The following WFDC9 variants were observed in gnomAD, a reference collection of about 807,000 sequenced individuals.
WFDC9 encodes WAP four-disulfide core domain 9, also known as protein WFDC9.
In WFDC9, 9 loss-of-function variants were observed where a neutral mutation model predicts 9.5. The ratio of observed to expected loss-of-function variants is 0.95; its 90% CI spans 0.57 to 1.65. WFDC9 has a LOEUF of 1.65. Ranked by LOEUF, WFDC9 falls within the 40% of genes most tolerant of loss-of-function variation. The pLI is 0.00. For missense variants in WFDC9, 87 were observed against 106.7 expected (o/e 0.82, Z 0.81); for synonymous variants, 33 against 32.3 (o/e 1.02, Z -0.07).
intron 3 of WFDC9, 72 bp downstream of exon 3, chr20:45,610,019 C>A: frequency 8.3e-7 from 1 of 1,209,390 alleles, no homozygotes; most frequent in African/African-American, 1.5e-5. Context: ...TCTTGACATG[C>A]AGGCCCTGGA....
At chr20:45,631,152 G>C in intron 1 of WFDC9, 51 bp downstream of exon 1, 1 of 1,021,320 alleles carries the variant, frequency 9.8e-7, no homozygotes. Flanking sequence ...TCTACTGTCT[G>C]AACCCCTTGT....
Position 45,629,893 on chromosome 20 carries a change from A to T in WFDC9, c.-153+1310T>A, listed in dbSNP as rs1248889419. On this transcript the variant is annotated intron_variant, in intron 1 of 4. Transcript: ENST00000326000. Reference sequence around the variant, plus strand: ...GCCCAGGGAGGATACCGTGACAAGAAGAGGATGCAGAGTAGGTGATGGGCT... The same window carrying T: ...GCCCAGGGAGGATACCGTGACAAGATGAGGATGCAGAGTAGGTGATGGGCT... The T allele has an allele frequency of 5.0e-6, 8 of 1,613,498 alleles. No homozygotes were observed. In the East Asian group the frequency reaches 1.8e-4, roughly 36 times the overall value.
rs552597672 is a variant in WFDC9, at chr20:45,617,227, C to A, written c.-152-2506G>T. Among the ~76,000 whole-genome samples the A allele has an allele frequency of 3.3e-3, 506 of 152,310 alleles. 2 individuals carry two copies. The highest frequency in any genetic ancestry group is 0.012 in the African/African-American group (478 of 41,556). On this transcript the variant is annotated intron_variant, in intron 1 of 4. Transcript: ENST00000326000. ...ATCCCAGCACTTTGGGAGGCCAAAG[C>A]AGGCAGATCACAAGGTCAGAATTTC...
At chr20:45,627,850 T>A (rs1401857562) in intron 1 of WFDC9, among the ~76,000 whole-genome samples, 1 of 152,228 alleles carries the variant, frequency 6.6e-6, no homozygotes, top group African/African-American at 2.4e-5. Context: ...TGTGATGTAA[T>A]TCTTTAAAAT....
At chr20:45,619,975 G>A (rs574072995) in intron 1 of WFDC9, among the ~76,000 whole-genome samples, 1 of 151,876 alleles carries the variant, frequency 6.6e-6, no homozygotes. Flanking sequence ...GCAGTGAGTC[G>A]AGATCATGCC....
chr20:45,610,717 G>T (rs889074765), intron 2 of WFDC9, among the ~76,000 whole-genome samples: 1 of 152,202 alleles, frequency 6.6e-6, no homozygotes, highest in African/African-American at 2.4e-5. Flanking sequence ...GGGAATTACA[G>T]ATAGATAACA....
intron 1 of WFDC9, 31 bp downstream of exon 1, chr20:45,631,172 A>C: frequency 1.2e-6 from 1 of 806,566 alleles, no homozygotes. Context: ...TCCCTGTCAA[A>C]TAAACCAGAA....
intron 1 of WFDC9, among the ~76,000 whole-genome samples, chr20:45,618,923 A>G (rs1205331893): frequency 6.6e-6 from 1 of 152,230 alleles, no homozygotes; most frequent in Non-Finnish European, 1.5e-5. Context: ...TGCAACATCC[A>G]TAAAGCAAAA....
chr20:45,630,629 A>C (rs1982340075), intron 1 of WFDC9, among the ~76,000 whole-genome samples: 2 of 152,058 alleles, frequency 1.3e-5, no homozygotes, highest in Non-Finnish European at 2.9e-5. Context: ...TGGTGTGTGG[A>C]GAAGGTCCAG....
chr20:45,621,856 AC>A (rs996964010), intron 1 of WFDC9, among the ~76,000 whole-genome samples: 2 of 152,144 alleles, frequency 1.3e-5, no homozygotes, highest in Non-Finnish European at 2.9e-5. Flanking sequence ...CCCTTTGTTG[AC>A]TTTGCTTTGT....
chr20:45,610,740 A>C (rs2145594882), intron 2 of WFDC9, among the ~76,000 whole-genome samples: 1 of 152,360 alleles, frequency 6.6e-6, no homozygotes. Context: ...ACTTGAGAAA[A>C]GATGATGGCC....
Position 45,608,160 on chromosome 20 carries a change from CA to C in WFDC9, c.240-21del, listed in dbSNP as rs777572388. ...GGCTCTCTAGAAGAGAAAAGTTAGT[CA>C]AAAGTCAAGAATCCTGGGATAAATC... On this transcript the variant is annotated intron_variant, in intron 4 of 4. Coordinates refer to ENST00000326000, the MANE Select transcript of WFDC9 (RefSeq NM_147198.4). 5.6e-6 allele frequency: 9 copies of C among 1,606,742 alleles called. No homozygotes were observed. The highest frequency in any genetic ancestry group is 1.3e-5 in the African/African-American group (1 of 74,414).
chr20:45,624,580 T>G (rs576516810), intron 1 of WFDC9, among the ~76,000 whole-genome samples: 4 of 152,314 alleles, frequency 2.6e-5, no homozygotes, highest in African/African-American at 7.2e-5. Flanking sequence ...AAATACCTAG[T>G]AGTGGGATTG....
At chr20:45,628,116 G>A (rs1600925011) in intron 1 of WFDC9, among the ~76,000 whole-genome samples, 1 of 152,120 alleles carries the variant, frequency 6.6e-6, no homozygotes, top group African/African-American at 2.4e-5. Flanking sequence ...CAGTACTTGA[G>A]CCTGCCACAA....
At chr20:45,626,080 C>T (rs1373057446) in intron 1 of WFDC9, among the ~76,000 whole-genome samples, 2 of 151,982 alleles carry the variant, frequency 1.3e-5, no homozygotes, top group Admixed American at 1.3e-4. Context: ...CCTCGGTCTC[C>T]CAAAGTGCTG....
At chr20:45,610,414 T>G (rs566551079) in intron 2 of WFDC9, among the ~76,000 whole-genome samples, 175 bp from the exon 3 acceptor site, 2 of 152,162 alleles carry the variant, frequency 1.3e-5, no homozygotes, top group South Asian at 2.1e-4. Flanking sequence ...ACCCCTTCCT[T>G]TGCAAAATTA....
intron 1 of WFDC9, among the ~76,000 whole-genome samples, chr20:45,618,968 T>C (rs6032382): frequency 0.046 from 6,941 of 152,200 alleles, 320 homozygotes; most frequent in East Asian, 0.24. Context: ...TAAAATGAGA[T>C]ATGCCTGTAT....
chr20:45,616,508 G>T (rs143483487), intron 1 of WFDC9, among the ~76,000 whole-genome samples: 26 of 152,274 alleles, frequency 1.7e-4, no homozygotes, highest in African/African-American at 6.3e-4. Flanking sequence ...CTGCCATGTT[G>T]ACCTCCTTCC....
At chr20:45,630,504 G>A (rs1982336730) in intron 1 of WFDC9, among the ~76,000 whole-genome samples, 1 of 152,148 alleles carries the variant, frequency 6.6e-6, no homozygotes, top group South Asian at 2.1e-4. Context: ...CAGAGACTAG[G>A]AGAGAGTTTG....
Sources: gnomAD v4.1 joint callset for allele counts (sites outside exome capture counted in the v4.1 genomes callset) on GRCh38, gnomAD v4.1.1 for gene constraint, MANE v1.5 for transcripts, NCBI Gene and HGNC (gene_info 2026-07-23, HGNC 2026-07-21) for gene names.